The following SLC22A4 variants were observed in gnomAD, a reference collection of about 807,000 sequenced individuals.
SLC22A4 encodes solute carrier family 22 member 4.
Under a neutral mutation model 56.6 loss-of-function variants are expected in SLC22A4, and 39 were observed. The observed-to-expected ratio is 0.69, with a 90% CI of 0.53 to 0.90. The LOEUF is 0.90. Ranked by LOEUF, SLC22A4 falls within the 40% of genes least tolerant of loss-of-function variation. The probability of loss-of-function intolerance (pLI) is 0.00; values close to 1 mark genes in which losing one functional copy is unlikely to be tolerated. For missense variants in SLC22A4, 594 were observed against 696.5 expected (o/e 0.85, Z 1.66); for synonymous variants, 241 against 281.4 (o/e 0.86, Z 1.44).
Position 132,318,631 on chromosome 5 carries a change from C to T in SLC22A4, c.653-3553C>T, listed in dbSNP as rs530967977. Among the ~76,000 whole-genome samples the T allele has an allele frequency of 3.3e-5, 5 of 152,228 alleles. No homozygotes were observed. In the South Asian group the frequency reaches 8.3e-4, roughly 25 times the overall value. Reference sequence around the variant, plus strand: ...TGCTCTACATGGAAGGCAGCCTGGCCCTCTCTGAGTCACTCCCTCTTGGAG... The same window carrying T: ...TGCTCTACATGGAAGGCAGCCTGGCTCTCTCTGAGTCACTCCCTCTTGGAG... On this transcript the variant is annotated intron_variant, in intron 3 of 9. Coordinates refer to ENST00000200652, the MANE Select transcript of SLC22A4 (RefSeq NM_003059.3).
Position 132,334,931 on chromosome 5 carries a change from G to A in SLC22A4, c.1260G>A (p.Val420=). Residue 420 remains valine, a splice_region_variant and synonymous_variant, in exon 7 of 10, where the codon GTG becomes GTA. Coordinates refer to ENST00000200652, the MANE Select transcript of SLC22A4 (RefSeq NM_003059.3). ...GVLLFIQLVP[V]DYYFLSIGLV... is the part of the protein sequence containing the mutation. ...TTCTCTTCATTCAACTGGTACCTGT[G>A]GGTAAGAAGTTAACCAAGATGAACA... 1 of 1,607,342 alleles carries A rather than the reference G, an allele frequency of 6.2e-7. No individual in the cohort carries two copies. The highest frequency in any genetic ancestry group is 8.5e-7 in the Non-Finnish European group (1 of 1,174,796).
chr5:132,342,791 G>A lies in SLC22A4; in HGVS notation c.1581-969G>A, dbSNP rs181389705. Among the ~76,000 whole-genome samples the A allele has an allele frequency of 3.2e-3, 492 of 152,362 alleles. 7 individuals carry two copies. Among genetic ancestry groups the A allele is most frequent in the Admixed American group, 0.03 (455 of 15,310 alleles). On this transcript the variant is annotated intron_variant, in intron 9 of 9. Coordinates refer to ENST00000200652, the MANE Select transcript of SLC22A4 (RefSeq NM_003059.3). ...ACAGAGAGGTCTGGAAGGGTCCTGA[G>A]TGCAGAGGTTCTGTCCCTACGGAGT...
intron 1 of SLC22A4, among the ~76,000 whole-genome samples, chr5:132,310,189 T>C (rs1480688121): frequency 6.6e-6 from 1 of 152,254 alleles, no homozygotes; most frequent in Non-Finnish European, 1.5e-5. Flanking sequence ...GATTGGGTTC[T>C]GAGGCCCAAG....
At chr5:132,308,787 G>A (rs915141124) in intron 1 of SLC22A4, among the ~76,000 whole-genome samples, 3 of 152,198 alleles carry the variant, frequency 2.0e-5, no homozygotes, top group Non-Finnish European at 2.9e-5. Context: ...GTAACCCCGG[G>A]AGGCCCCATC....
intron 9 of SLC22A4, 99 bp downstream of exon 9, chr5:132,340,799 G>A: frequency 8.6e-7 from 1 of 1,156,098 alleles, no homozygotes; most frequent in Non-Finnish European, 1.3e-6. Context: ...GTAATAAGTA[G>A]AGACTAGCTC....
In SLC22A4 at chr5:132,316,967, G is replaced by C. The variant is rs114206679; in HGVS notation, c.652+3199G>C. On this transcript the variant is annotated intron_variant, in intron 3 of 9. Transcript: ENST00000200652. Reference sequence around the variant, plus strand: ...GAAGTCCAAGATCAAAGTGCCAGCAGGGTTGGTGTCTGGTGAGGGTTCTCC... The same window carrying C: ...GAAGTCCAAGATCAAAGTGCCAGCACGGTTGGTGTCTGGTGAGGGTTCTCC... Among the ~76,000 whole-genome samples the C allele has an allele frequency of 2.5e-3, 374 of 152,300 alleles. 2 individuals are homozygous for C. Among genetic ancestry groups the C allele is most frequent in the African/African-American group, 8.8e-3 (367 of 41,554 alleles).
chr5:132,340,044 G>A (rs1359838031), intron 8 of SLC22A4, among the ~76,000 whole-genome samples: 3 of 146,790 alleles, frequency 2.0e-5, no homozygotes, highest in Non-Finnish European at 3.0e-5. Flanking sequence ...TTAATCTGAA[G>A]TGAACATAAT....
intron 3 of SLC22A4, 26 bp from the exon 4 acceptor site, chr5:132,322,158 T>A (rs770804276): frequency 8.1e-6 from 13 of 1,601,620 alleles, no homozygotes; most frequent in Non-Finnish European, 7.7e-6. Flanking sequence ...GTTAATATGC[T>A]AATACTCCTC....
chr5:132,295,412 A>G (rs1749759417), intron 1 of SLC22A4: 1 of 422,514 alleles, frequency 2.4e-6, no homozygotes, highest in Admixed American at 2.9e-5. Context: ...GGGCGGGGCC[A>G]AATCTTGTCT....
rs187167549 is a variant in SLC22A4, at chr5:132,329,007, A to C, written c.951+1604A>C. Among the ~76,000 whole-genome samples the C allele has an allele frequency of 3.2e-3, 488 of 151,496 alleles. 4 individuals are homozygous for C. The highest frequency in any genetic ancestry group is 0.011 in the African/African-American group (464 of 41,318). On this transcript the variant is annotated intron_variant, in intron 5 of 9. Transcript: ENST00000200652. Reference sequence around the variant, plus strand: ...GAGTGCAGTGGTACAATTACAGCTCAATGTAGCCTCGACCTCGACCTTCTG... The same window carrying C: ...GAGTGCAGTGGTACAATTACAGCTCCATGTAGCCTCGACCTCGACCTTCTG...
rs1749917889 is a variant in SLC22A4 at position 132,301,993 on chromosome 5, G to T, written c.393+6984G>T. Among the ~76,000 whole-genome samples the T allele has an allele frequency of 1.3e-5, 2 of 152,212 alleles. 1 individual carries two copies. Among genetic ancestry groups the T allele is most frequent in the South Asian group, 4.1e-4 (2 of 4,836 alleles). ...GGGGCCTCTGGCTCCAGCCAGCCCGGCGAGACTTCTATTTCCAGTCAATGC... is the reference window on the plus strand; with the variant it reads ...GGGGCCTCTGGCTCCAGCCAGCCCGTCGAGACTTCTATTTCCAGTCAATGC... On this transcript the variant is annotated intron_variant, in intron 1 of 9. Coordinates refer to ENST00000200652, the MANE Select transcript of SLC22A4 (RefSeq NM_003059.3).
chr5:132,341,248 T>C (rs1196160303), intron 9 of SLC22A4, among the ~76,000 whole-genome samples: 1 of 151,324 alleles, frequency 6.6e-6, no homozygotes, highest in Non-Finnish European at 1.5e-5. Flanking sequence ...TGAAACCCTG[T>C]CTCTACTAAA....
intron 1 of SLC22A4, among the ~76,000 whole-genome samples, chr5:132,308,308 C>G (rs1373139299): frequency 6.7e-6 from 1 of 150,148 alleles, no homozygotes; most frequent in African/African-American, 2.5e-5. Context: ...CTTTCTTGTG[C>G]CCTACACAGA....
chr5:132,296,705 TG>T (rs954974965), intron 1 of SLC22A4, among the ~76,000 whole-genome samples: 15 of 152,238 alleles, frequency 9.9e-5, no homozygotes, highest in African/African-American at 3.1e-4. Context: ...CAGCTGAGAC[TG>T]GGGGCCAGCT....
At chr5:132,319,018 A>C (rs777632363) in intron 3 of SLC22A4, among the ~76,000 whole-genome samples, 3 of 152,200 alleles carry the variant, frequency 2.0e-5, no homozygotes, top group Non-Finnish European at 4.4e-5. Flanking sequence ...GCTGGCTTCC[A>C]GTGACAAGCC....
Position 132,322,091 on chromosome 5 carries a change from G to A in SLC22A4, c.653-93G>A. On this transcript the variant is annotated intron_variant, in intron 3 of 9. Coordinates refer to ENST00000200652, the MANE Select transcript of SLC22A4 (RefSeq NM_003059.3). ...AAATGCCTTTCCCCTTTTCTAAGTG[G>A]TGATAGTTTGAACTCTAACTGCCAC... The A allele has an allele frequency of 1.3e-5, 15 of 1,146,974 alleles. No homozygotes were observed. The South Asian group carries it at 1.5e-4, about 11-fold the overall frequency. The allele number at this position is 1,146,974 out of a possible 1,614,324, so 71.0% of individuals were successfully genotyped here. A position where few individuals can be genotyped will look rare whatever the true frequency, so the allele number is the denominator to read the frequency against.
At chr5:132,304,150 A>G (rs60934439) in intron 1 of SLC22A4, among the ~76,000 whole-genome samples, 11,924 of 152,288 alleles carry the variant, frequency 0.078, 606 homozygotes, top group South Asian at 0.16. Context: ...TGGAGTCAAA[A>G]CAAACCTTAT....
chr5:132,302,471 G>T (rs1405335611), intron 1 of SLC22A4, among the ~76,000 whole-genome samples: 1 of 152,124 alleles, frequency 6.6e-6, no homozygotes, highest in East Asian at 1.9e-4. Flanking sequence ...TGTCTCTGGA[G>T]TCCAAAAGAA....
At chr5:132,300,941 G>A (rs1450900697) in intron 1 of SLC22A4, among the ~76,000 whole-genome samples, 1 of 152,238 alleles carries the variant, frequency 6.6e-6, no homozygotes, top group Admixed American at 6.5e-5. Flanking sequence ...TACTGCAGGG[G>A]TCAGATCTCA....
Sources: gnomAD v4.1 joint callset for allele counts (sites outside exome capture counted in the v4.1 genomes callset) on GRCh38, gnomAD v4.1.1 for gene constraint, MANE v1.5 for transcripts, NCBI Gene and HGNC (gene_info 2026-07-23, HGNC 2026-07-21) for gene names.